The following TAF1C variants were observed in gnomAD, a reference collection of about 807,000 sequenced individuals.
TAF1C encodes the protein TATA-box binding protein associated factor, RNA polymerase I subunit C.
In TAF1C, 79 loss-of-function variants were observed where a neutral mutation model predicts 70.5. That is an observed-to-expected ratio of 1.12 (90% CI 0.93 to 1.35). TAF1C has a LOEUF of 1.35. TAF1C is among the 40% of genes most tolerant of loss of function. The pLI, the probability that TAF1C is intolerant of heterozygous loss-of-function variation, is 0.00. For synonymous variants in TAF1C, 614 were observed against 491.1 expected (o/e 1.25, Z -3.31); for missense variants, 1,412 against 1,127.8 (o/e 1.25, Z -3.61).
At chr16:84,180,484 C>T in intron 12 of TAF1C, 140 bp from the exon 13 acceptor site, 1 of 895,650 alleles carries the variant, frequency 1.1e-6, no homozygotes, top group Non-Finnish European at 1.6e-6. Flanking sequence ...CCACGTGCCT[C>T]TCAGACTTCA....
Position 84,179,010 on chromosome 16 carries a change from G to C in TAF1C, c.2463C>G (p.Arg821=). 1 of 1,610,824 alleles carries C rather than the reference G, an allele frequency of 6.2e-7. No homozygotes were observed. Among genetic ancestry groups the C allele is most frequent in the Non-Finnish European group, 8.5e-7 (1 of 1,179,964 alleles). The change falls in exon 15 of 15, where the codon CGC becomes CGG. Residue 821 remains arginine, a synonymous_variant. Coordinates refer to ENST00000566732, the MANE Select transcript of TAF1C (RefSeq NM_001243156.2). ...AGAGGACGGGTGTGTGCTGCTGGGA[G>C]CGAGTGGCCCGGACGCTGGAGGCCT... The part of the protein sequence containing the change: ...HSQASSVRAT[R]SQQHTPVLSS...
chr16:84,184,867 T>C lies in TAF1C; in HGVS notation c.122A>G (p.Gln41Arg). 1 of 1,607,540 alleles carries C rather than the reference T, an allele frequency of 6.2e-7. No individual in the cohort carries two copies. Among genetic ancestry groups the C allele is most frequent in the Non-Finnish European group, 8.5e-7 (1 of 1,177,240 alleles). Residue 41 changes from glutamine to arginine, a missense_variant, in exon 2 of 15, where the codon CAG becomes CGG. Coordinates refer to ENST00000566732, the MANE Select transcript of TAF1C (RefSeq NM_001243156.2). ...WRDALTLPEA[Q>R]PQNSENGALH... ...CATCCTCACCTCTGAGTTCTGGGGCTGGGCCTCTGGCAGAGTCAGTGCGTC... is the reference window on the plus strand; with the variant it reads ...CATCCTCACCTCTGAGTTCTGGGGCCGGGCCTCTGGCAGAGTCAGTGCGTC...
Position 84,177,946 on chromosome 16 carries a change from T to C in TAF1C, c.*995A>G. The C allele has an allele frequency of 1.0e-6, 1 of 969,870 alleles. No homozygotes were observed. Among genetic ancestry groups the C allele is most frequent in the Non-Finnish European group, 1.6e-6 (1 of 617,080 alleles). The allele number at this position is 969,870 out of a possible 1,614,324, so 60.1% of individuals were successfully genotyped here. ...CGAGTCAGTGTATGATTGGGCTAGC[T>C]CCTGTTTGTGTGAGTCACATGCAAT... is the stretch of plus-strand genomic sequence containing the variant. On this transcript the variant is annotated 3_prime_UTR_variant, in exon 15 of 15. Transcript: ENST00000566732.
rs1245122985 is a variant in TAF1C, at chr16:84,180,181, A to T, written c.1472T>A (p.Leu491Gln). 3.2e-6 allele frequency: 5 copies of T among 1,548,290 alleles called. No individual in the cohort carries two copies. Among genetic ancestry groups the T allele is most frequent in the African/African-American group, 1.4e-5 (1 of 72,216 alleles). ...GCCTGGACCCTCACCTGCCAGGTGC[A>T]GCAGCTGCAGCTGCCCACCCTGGCC... ...LGGQGGQLQL[L>Q]HLAGEGASVP... Residue 491 changes from leucine (L) to glutamine (Q), a missense_variant, in exon 13 of 15, where the codon CTG (leucine) becomes CAG (glutamine). Leu to Gln is a moderately radical substitution (Grantham distance 113). Transcript: ENST00000566732.
At chr16:84,180,781 C>T (rs895383639) in intron 12 of TAF1C, 38 of 1,338,622 alleles carry the variant, frequency 2.8e-5, no homozygotes, top group Non-Finnish European at 3.5e-5. Flanking sequence ...GGAAGCCCCA[C>T]CCCGAGGCCC....
Position 84,179,828 on chromosome 16 carries a change from A to C in TAF1C, c.1645T>G (p.Leu549Val). 6.2e-7 allele frequency: 1 copy of C among 1,606,804 alleles called. No homozygotes were observed. The highest frequency in any genetic ancestry group is 8.5e-7 in the Non-Finnish European group (1 of 1,176,042). Reference sequence around the variant, plus strand: ...AGGCCTGGTGTGGGCGCTGAGGGCAAGGGCGGGACGACGGCAGCCAGACCT... The same window carrying C: ...AGGCCTGGTGTGGGCGCTGAGGGCACGGGCGGGACGACGGCAGCCAGACCT... ...TIGLAAVVPP[L>V]PSAPTPGLVL... Residue 549 changes from leucine to valine, a missense_variant, in exon 15 of 15, where the codon TTG becomes GTG. Transcript: ENST00000566732.
At position 84,178,991 on chromosome 16, in the gene TAF1C, CG is replaced by C. The variant is rs773179088; in HGVS notation, c.2481del (p.Val828SerfsTer43). On this transcript the variant is annotated frameshift_variant, in exon 15 of 15. Transcript: ENST00000566732. LOFTEE classifies it high-confidence loss of function. ...CGGAGGGGCTGAGAGCTAGAGAGGACGGGTGTGTGCTGCTGGGAGCGAGTGG... is the reference window on the plus strand; with the variant it reads ...CGGAGGGGCTGAGAGCTAGAGAGGACGGTGTGTGCTGCTGGGAGCGAGTGG... ...VRATRSQQHTPVLSSSQPLRK... is the reference protein window; with the variant it reads ...VRATRSQQHTXVLSSSQPLRK... 3 of 1,610,710 alleles carry C rather than the reference CG, an allele frequency of 1.9e-6. No individual in the cohort carries two copies. The Admixed American group carries it at 5.0e-5, about 27-fold the overall frequency.
rs950500621 is a variant in TAF1C at position 84,182,911 on chromosome 16, G to C, written c.482+165C>G. Among the ~76,000 whole-genome samples the C allele has an allele frequency of 6.6e-6, 1 of 152,310 alleles. No individual in the cohort carries two copies. Among genetic ancestry groups the C allele is most frequent in the African/African-American group, 2.4e-5 (1 of 41,558 alleles). ...CACAAATGTAAATCTGCTTTCCCCT[G>C]AGATGATTTGGAGTTGGAAGTCTGG... On this transcript the variant is annotated intron_variant, in intron 6 of 14. Transcript: ENST00000566732. The surrounding 1 kb of genome is among the most constrained non-coding windows in gnomAD (Gnocchi z 5.0).
At chr16:84,183,633 G>T in intron 3 of TAF1C, 64 bp downstream of exon 3, 2 of 1,558,144 alleles carry the variant, frequency 1.3e-6, no homozygotes, top group South Asian at 2.3e-5. Flanking sequence ...GGTCTCAGGA[G>T]CGGGAGCAGT....
chr16:84,185,123 CAAA>C (rs2089413273), intron 1 of TAF1C, 63 bp from the exon 2 acceptor site: 1 of 1,134,738 alleles, frequency 8.8e-7, no homozygotes, highest in Admixed American at 2.8e-5. Flanking sequence ...TAACAAAAAA[CAAA>C]TATGTAGCCC....
intron 1 of TAF1C, 114 bp from the exon 2 acceptor site, chr16:84,185,174 C>A: frequency 1.6e-6 from 1 of 635,466 alleles, no homozygotes; most frequent in South Asian, 2.7e-5. Context: ...TAAAGCCAAC[C>A]ACCCGTCCAG....
chr16:84,182,531 T>A lies in TAF1C; in HGVS notation c.483-91A>T. The A allele has an allele frequency of 8.3e-7, 1 of 1,202,234 alleles. No individual in the cohort carries two copies. The highest frequency in any genetic ancestry group is 1.1e-6 in the Non-Finnish European group (1 of 873,602). The allele number at this position is 1,202,234 out of a possible 1,614,324, so 74.5% of individuals were successfully genotyped here. ...AGGAGGCCAAGTGCAGTGGACACAT[T>A]TCTTATTTACCTAGAATTTCTTCCT... On this transcript the variant is annotated intron_variant, in intron 6 of 14. Transcript: ENST00000566732. The surrounding 1 kb of genome is among the most constrained non-coding windows in gnomAD (Gnocchi z 5.0).
rs748940908 is a variant in TAF1C, at chr16:84,181,204, G to C, written c.1165-18C>G. The C allele has an allele frequency of 1.6e-5, 25 of 1,597,622 alleles. No homozygotes were observed. The highest frequency in any genetic ancestry group is 2.0e-5 in the Non-Finnish European group (23 of 1,167,472). On this transcript the variant is annotated intron_variant, in intron 11 of 14. Transcript: ENST00000566732. ...GGCGGGCCCTGGAAGATAAACACAG[G>C]GTCAGCCCTCCCCACAGTCCCAGGC... is the stretch of plus-strand genomic sequence containing the variant.
In TAF1C at chr16:84,178,317, C is replaced by A. The variant is rs944940459; in HGVS notation, c.*624G>T. ...ATCAGCCATCATCTCTCTGCATGAG[C>A]TCAGTGTCAGGTAGTAGCTGTGGCG... On this transcript the variant is annotated 3_prime_UTR_variant, in exon 15 of 15. Coordinates refer to ENST00000566732, the MANE Select transcript of TAF1C (RefSeq NM_001243156.2). 4.4e-6 allele frequency: 2 copies of A among 456,856 alleles called. No homozygotes were observed. Among genetic ancestry groups the A allele is most frequent in the Admixed American group, 4.7e-5 (2 of 42,570 alleles). The allele number at this position is 456,856 out of a possible 1,614,324, so 28.3% of individuals were successfully genotyped here.
At chr16:84,185,197 T>C in intron 1 of TAF1C, 137 bp from the exon 2 acceptor site, 1 of 529,532 alleles carries the variant, frequency 1.9e-6, no homozygotes, top group Admixed American at 3.8e-5. Context: ...GAAGGGGATC[T>C]GGTAGTGGGC....
rs143658217 is a variant in TAF1C, at chr16:84,179,021, G to C, written c.2452C>G (p.Arg818Gly). The C allele has an allele frequency of 6.2e-7, 1 of 1,610,624 alleles. No individual in the cohort carries two copies. The highest frequency in any genetic ancestry group is 1.6e-4 in the Middle Eastern group (1 of 6,062). The change falls in exon 15 of 15, where the codon CGG becomes GGG. Residue 818 changes from arginine to glycine, a missense_variant. Transcript: ENST00000566732. ...GTGTGCTGCTGGGAGCGAGTGGCCC[G>C]GACGCTGGAGGCCTGGGAGTGGGGA... ...TPPHSQASSV[R>G]ATRSQQHTPV... is the part of the protein sequence containing the mutation.
rs200594919 is a variant in TAF1C at position 84,179,285 on chromosome 16, G to A, written c.2188C>T (p.Leu730=). 610 of 1,591,280 alleles carry A rather than the reference G, an allele frequency of 3.8e-4. 2 individuals carry two copies. The African/African-American group carries it at 5.6e-3, about 15-fold the overall frequency. The stretch of plus-strand genomic sequence containing the variant: ...CCACTGAGCGAAAAGCTGCTGGACA[G>A]CTGGGTCCGGCGCTTGGGCCGCCTG... ...QTRRPKRRTQ[L]SSSFSLSGHV... Residue 730 remains leucine (L), a synonymous_variant, in exon 15 of 15, where the codon CTG becomes TTG. Transcript: ENST00000566732.
chr16:84,179,638 T>C lies in TAF1C; in HGVS notation c.1835A>G (p.Gln612Arg). Residue 612 changes from glutamine to arginine, a missense_variant, in exon 15 of 15, where the codon CAG becomes CGG. Physicochemically the swap from Gln to Arg is conservative, Grantham distance 43. Coordinates refer to ENST00000566732, the MANE Select transcript of TAF1C (RefSeq NM_001243156.2). ...WTSQDTAGCSQWLKALLKVPL... is the reference protein window; with the variant it reads ...WTSQDTAGCSRWLKALLKVPL... ...CACTTTTAGCAGGGCCTTCAGCCAC[T>C]GGCTGCAGCCGGCAGTGTCCTGGGA... The C allele has an allele frequency of 6.2e-7, 1 of 1,612,530 alleles. No homozygotes were observed. The highest frequency in any genetic ancestry group is 1.7e-5 in the Admixed American group (1 of 60,016).
rs1352399479 is a variant in TAF1C, at chr16:84,179,556, G to A, written c.1917C>T (p.Gly639=). Residue 639 remains glycine, a synonymous_variant, in exon 15 of 15, where the codon GGC becomes GGT. Transcript: ENST00000566732. ...APTFTHRQML[G]STELRREEEE... is the part of the protein sequence containing the mutation. ...CTTCCTCCCTCCGCAGCTCTGTGCT[G>A]CCCAGCATCTGGCGGTGGGTGAAGG... 1 of 1,612,428 alleles carries A rather than the reference G, an allele frequency of 6.2e-7. No individual in the cohort carries two copies. The highest frequency in any genetic ancestry group is 8.5e-7 in the Non-Finnish European group (1 of 1,179,846).
Sources: allele counts gnomAD v4.1 joint callset (sites outside exome capture counted in the v4.1 genomes callset), GRCh38; gene constraint gnomAD v4.1.1; non-coding constraint Gnocchi (gnomAD v3.1); transcripts MANE v1.5; gene names NCBI Gene and HGNC (gene_info 2026-07-23, HGNC 2026-07-21).